Variants in CEP128 observed in about 807,000 individuals in gnomAD.
CEP128 encodes centrosomal protein 128kDa.
A neutral mutation model predicts 156.7 loss-of-function variants in CEP128; 132 were observed. The ratio of observed to expected loss-of-function variants is 0.84; its 90% confidence interval spans 0.73 to 0.97. CEP128 has a LOEUF of 0.97. CEP128 is among the 50% of genes least tolerant of loss of function. The pLI is 0.00. For synonymous variants in CEP128, 469 were observed against 448.9 expected, an observed-to-expected ratio of 1.04 and a Z score of -0.57; for missense variants, 1,252 against 1,281.9, an observed-to-expected ratio of 0.98 and a Z score of 0.36.
At position 80,807,941 on chromosome 14, in the gene CEP128, T is replaced by C. The variant is rs182165635; in HGVS notation, c.1210-14831A>G. 4.4e-3 allele frequency among the ~76,000 whole-genome samples: 666 copies of C among 152,262 alleles called. 1 individual carries two copies. Among genetic ancestry groups the C allele is most frequent in the Non-Finnish European group, 7.6e-3 (515 of 67,992 alleles). On this transcript the variant is annotated intron_variant, in intron 13 of 24. Coordinates refer to ENST00000555265, the MANE Select transcript of CEP128 (RefSeq NM_152446.5). The stretch of plus-strand genomic sequence containing the variant: ...CCCAAAGATAGTGCAGGGTCCCTAG[T>C]ACTCTAGCACACAGGAAGTATGTCC...
At chr14:80,921,663 G>GT (rs1465382740) in intron 2 of CEP128, among the ~76,000 whole-genome samples, 2 of 152,078 alleles carry the variant, frequency 1.3e-5, no homozygotes, top group East Asian at 1.9e-4. Context: ...TAGCTGATTT[G>GT]TTTTTTCAAT....
chr14:80,645,997 A>T (rs1481299088), intron 19 of CEP128, among the ~76,000 whole-genome samples: 2 of 152,176 alleles, frequency 1.3e-5, no homozygotes, highest in Admixed American at 1.3e-4. Flanking sequence ...TATTTAGAAA[A>T]GGCAAAAGTA....
At chr14:80,520,296 G>A (rs1333828176) in intron 23 of CEP128, among the ~76,000 whole-genome samples, 1 of 152,114 alleles carries the variant, frequency 6.6e-6, no homozygotes, top group Non-Finnish European at 1.5e-5. Flanking sequence ...GCGCATGCCT[G>A]TGATCCCAGC....
At chr14:80,783,069 C>T (rs1335203361) in intron 15 of CEP128, among the ~76,000 whole-genome samples, 1 of 152,154 alleles carries the variant, frequency 6.6e-6, no homozygotes, top group South Asian at 2.1e-4. Context: ...ATTTCTCCCT[C>T]AACTCTTGAC....
At chr14:80,698,355 TAC>T (rs1357513971) in intron 19 of CEP128, among the ~76,000 whole-genome samples, 2 of 152,066 alleles carry the variant, frequency 1.3e-5, no homozygotes, top group African/African-American at 4.8e-5. Context: ...TATCAAAAAA[TAC>T]ATTGTACGTT....
chr14:80,915,688 C>G (rs1884507736), intron 3 of CEP128, among the ~76,000 whole-genome samples: 1 of 152,132 alleles, frequency 6.6e-6, no homozygotes, highest in South Asian at 2.1e-4. Context: ...ATCTACCTCA[C>G]CAAAACATGA....
chr14:80,760,986 C>G (rs1899934462), intron 17 of CEP128, among the ~76,000 whole-genome samples: 1 of 152,044 alleles, frequency 6.6e-6, no homozygotes, highest in African/African-American at 2.4e-5. Context: ...ACCTCCCTTT[C>G]TCTTAAGTGG....
chr14:80,938,708 T>G (rs1392988121), intron 2 of CEP128, among the ~76,000 whole-genome samples: 3 of 152,200 alleles, frequency 2.0e-5, no homozygotes, highest in African/African-American at 7.2e-5. Flanking sequence ...TCAATGATAA[T>G]TCATGTTGAA....
At chr14:80,810,210 C>A (rs1375235251) in intron 13 of CEP128, among the ~76,000 whole-genome samples, 2 of 150,388 alleles carry the variant, frequency 1.3e-5, no homozygotes, top group African/African-American at 4.9e-5. Context: ...GTAGTCCCAA[C>A]CACTCGGGAG....
intron 19 of CEP128, among the ~76,000 whole-genome samples, chr14:80,597,657 A>C (rs916245216): frequency 4.6e-5 from 7 of 150,990 alleles, no homozygotes; most frequent in Non-Finnish European, 1.0e-4. Context: ...AAAAAAAAAA[A>C]CCGCAGCTTT....
At chr14:80,489,823 T>C (rs1887262363), downstream of CEP128, among the ~76,000 whole-genome samples, 2 of 151,808 alleles carry the variant, frequency 1.3e-5, no homozygotes, top group African/African-American at 4.8e-5. Flanking sequence ...TTTACCACAC[T>C]TACCACCTCC....
chr14:80,710,264 T>G (rs939574028), intron 19 of CEP128, among the ~76,000 whole-genome samples: 2 of 152,110 alleles, frequency 1.3e-5, no homozygotes, highest in Non-Finnish European at 2.9e-5. Context: ...TGTTACTAGA[T>G]AAGAGATCTT....
At chr14:80,878,591 T>C (rs544895818) in intron 8 of CEP128, among the ~76,000 whole-genome samples, 4 of 152,272 alleles carry the variant, frequency 2.6e-5, no homozygotes, top group South Asian at 4.1e-4. Context: ...AGGTCCCAAA[T>C]TGCAGTTGTG....
chr14:80,621,725 C>A (rs1467164785), intron 19 of CEP128, among the ~76,000 whole-genome samples: 2 of 152,136 alleles, frequency 1.3e-5, no homozygotes, highest in Non-Finnish European at 2.9e-5. Flanking sequence ...TTGTCTTTGG[C>A]TTCAAAGGAT....
intron 24 of CEP128, among the ~76,000 whole-genome samples, chr14:80,498,212 C>T (rs554350393): frequency 4.4e-4 from 67 of 152,124 alleles, no homozygotes; most frequent in Non-Finnish European, 8.2e-4. Flanking sequence ...AGTTTAAGAG[C>T]GAGCTCTAAT....
intron 19 of CEP128, among the ~76,000 whole-genome samples, chr14:80,717,342 C>T (rs1356318192): frequency 6.6e-6 from 1 of 152,222 alleles, no homozygotes; most frequent in East Asian, 1.9e-4. Context: ...TAATAGAAGG[C>T]TATAACATTT....
intron 19 of CEP128, among the ~76,000 whole-genome samples, chr14:80,670,087 A>G (rs1479671646): frequency 6.6e-6 from 1 of 152,154 alleles, no homozygotes; most frequent in Non-Finnish European, 1.5e-5. Context: ...CTCACTGACT[A>G]TCATGAGGAT....
intron 19 of CEP128, among the ~76,000 whole-genome samples, chr14:80,686,955 C>A (rs1000810164): frequency 2.8e-4 from 42 of 152,230 alleles, no homozygotes; most frequent in African/African-American, 1.0e-3. Flanking sequence ...TACTTAGAGA[C>A]CTCCAACGAA....
intron 19 of CEP128, among the ~76,000 whole-genome samples, chr14:80,597,808 T>G (rs1271866589): frequency 6.6e-6 from 1 of 151,796 alleles, no homozygotes; most frequent in East Asian, 1.9e-4. Flanking sequence ...ATCAATGTAA[T>G]CCATTATCTT....
Sources: gnomAD v4.1 joint callset for allele counts (sites outside exome capture counted in the v4.1 genomes callset) on GRCh38, gnomAD v4.1.1 for gene constraint, MANE v1.5 for transcripts, NCBI Gene and HGNC (gene_info 2026-07-23, HGNC 2026-07-21) for gene names.